The following NPHP1 variants were observed in gnomAD, a reference collection of about 807,000 sequenced individuals.
NPHP1 encodes the protein nephrocystin 1, also known as nephrocystin-1.
In NPHP1, 70 loss-of-function variants were observed where a neutral mutation model predicts 90.4. The ratio of observed to expected loss-of-function variants is 0.77; its 90% confidence interval spans 0.64 to 0.95. NPHP1 has a LOEUF of 0.95. Among genes scored for constraint, NPHP1 ranks in the 40% least tolerant of loss-of-function variants. The pLI, the probability that NPHP1 is intolerant of heterozygous loss-of-function variation, is 0.00. For missense variants in NPHP1, 764 were observed against 795.9 expected, an observed-to-expected ratio of 0.96 and a Z score of 0.48; for synonymous variants, 256 against 271.7, an observed-to-expected ratio of 0.94 and a Z score of 0.57.
chr2:110,150,070 C>A, intron 12 of NPHP1, 112 bp downstream of exon 12: 1 of 911,942 alleles, frequency 1.1e-6, no homozygotes. Flanking sequence ...CAAAGAACAC[C>A]AAAGAATCTA....
chr2:110,132,965 AAGAAAATC>A (rs1679899696), intron 16 of NPHP1, among the ~76,000 whole-genome samples: 1 of 152,122 alleles, frequency 6.6e-6, no homozygotes, highest in African/African-American at 2.4e-5. Context: ...ATCAAACACA[AAGAAAATC>A]AGTGAGGGAG....
chr2:110,124,405 A>C (rs1440571125), intron 19 of NPHP1: 1 of 357,298 alleles, frequency 2.8e-6, no homozygotes, highest in Non-Finnish European at 5.3e-6. Flanking sequence ...AAATATAACT[A>C]AAACAATGCC....
chr2:110,174,891 C>G (rs970740911), intron 4 of NPHP1, among the ~76,000 whole-genome samples: 1 of 151,520 alleles, frequency 6.6e-6, no homozygotes, highest in Non-Finnish European at 1.5e-5. Flanking sequence ...TGTGGTATTC[C>G]TAAGCACAAG....
At chr2:110,159,167 T>C (rs1682124442) in intron 11 of NPHP1, among the ~76,000 whole-genome samples, 2 of 152,032 alleles carry the variant, frequency 1.3e-5, no homozygotes, top group African/African-American at 4.8e-5. Flanking sequence ...TATATATTGC[T>C]AGATTCAATT....
Position 110,126,491 on chromosome 2 carries a change from T to G in NPHP1, c.1717-810A>C, listed in dbSNP as rs1249641162. On this transcript the variant is annotated intron_variant, in intron 18 of 19. Transcript: ENST00000445609. ...TTTCTCAGCAGGAGATAACAGACTATGCCACTCATGAGAACATTTTGGAAT... is the reference window on the plus strand; with the variant it reads ...TTTCTCAGCAGGAGATAACAGACTAGGCCACTCATGAGAACATTTTGGAAT... 6 of 152,396 alleles carry G rather than the reference T, an allele frequency of 3.9e-5. 1 individual carries two copies. Among genetic ancestry groups the G allele is most frequent in the African/African-American group, 1.4e-4 (6 of 41,448 alleles). 9.4% of individuals were successfully genotyped at this position (152,396 alleles called of 1,614,324 possible).
intron 8 of NPHP1, chr2:110,164,478 C>A (rs778995566): frequency 1.1e-5 from 10 of 943,754 alleles, no homozygotes; most frequent in Non-Finnish European, 1.7e-5. Context: ...ATTATCTATT[C>A]TTTTTGTACA....
chr2:110,125,373 C>A, intron 19 of NPHP1: 1 of 1,490,378 alleles, frequency 6.7e-7, no homozygotes, highest in Non-Finnish European at 8.9e-7. Context: ...AACTGAGAGA[C>A]TTTGGCTTAG....
Position 110,123,705 on chromosome 2 carries a change from T to G in NPHP1, c.*86A>C. On this transcript the variant is annotated 3_prime_UTR_variant, in exon 20 of 20. Coordinates refer to ENST00000445609, the MANE Select transcript of NPHP1 (RefSeq NM_001128178.3). ...TAAAACCTAAGTTGTAAAGTGACAG[T>G]GATTTTTGGTTCCATCATTTTATTC... The G allele has an allele frequency of 7.3e-7, 1 of 1,369,476 alleles. No individual in the cohort carries two copies. Among genetic ancestry groups the G allele is most frequent in the Non-Finnish European group, 1.0e-6 (1 of 962,162 alleles). The allele number at this position is 1,369,476 out of a possible 1,614,324, so 84.8% of individuals were successfully genotyped here. A position where few individuals can be genotyped will look rare whatever the true frequency, so the allele number is the denominator to read the frequency against.
chr2:110,127,627 T>C (rs1183030590), intron 18 of NPHP1: 2 of 151,994 alleles, frequency 1.3e-5, no homozygotes, highest in Non-Finnish European at 2.9e-5. Flanking sequence ...GTGCACAACT[T>C]TACCCTCATG....
At chr2:110,137,159 A>G (rs1361479661) in intron 16 of NPHP1, among the ~76,000 whole-genome samples, 1 of 152,146 alleles carries the variant, frequency 6.6e-6, no homozygotes, top group Non-Finnish European at 1.5e-5. Context: ...CTTACACCTT[A>G]TACAAAAATT....
intron 2 of NPHP1, among the ~76,000 whole-genome samples, chr2:110,194,906 C>T (rs1393092219): frequency 7.4e-6 from 1 of 135,880 alleles, no homozygotes; most frequent in Non-Finnish European, 1.7e-5. Context: ...ACGACAAAAA[C>T]CACATGATTA....
intron 2 of NPHP1, among the ~76,000 whole-genome samples, chr2:110,198,890 T>A (rs1685362474): frequency 6.6e-6 from 1 of 152,010 alleles, no homozygotes; most frequent in Middle Eastern, 3.4e-3. Flanking sequence ...AAGCCAGACC[T>A]AATAAAGAAA....
At chr2:110,183,348 C>A (rs1684043533) in intron 2 of NPHP1, among the ~76,000 whole-genome samples, 1 of 152,176 alleles carries the variant, frequency 6.6e-6, no homozygotes, top group Admixed American at 6.5e-5. Context: ...GCGATCTGTG[C>A]CTTAAGGACA....
intron 16 of NPHP1, among the ~76,000 whole-genome samples, chr2:110,136,884 G>C (rs949365919): frequency 6.6e-6 from 1 of 152,068 alleles, no homozygotes; most frequent in Non-Finnish European, 1.5e-5. Flanking sequence ...TAAGCCAAAA[G>C]AACAAAGCTG....
chr2:110,202,195 T>C (rs2104717609), intron 1 of NPHP1, among the ~76,000 whole-genome samples: 1 of 152,318 alleles, frequency 6.6e-6, no homozygotes, highest in East Asian at 1.9e-4. Context: ...GTTTGTTTAC[T>C]AACACTATAT....
chr2:110,166,975 A>G (rs1308984580), intron 6 of NPHP1, among the ~76,000 whole-genome samples: 1 of 152,156 alleles, frequency 6.6e-6, no homozygotes, highest in African/African-American at 2.4e-5. Context: ...TTGGATTTTG[A>G]ACTTAATGTT....
At chr2:110,199,250 T>C (rs1685397633) in intron 2 of NPHP1, among the ~76,000 whole-genome samples, 1 of 151,914 alleles carries the variant, frequency 6.6e-6, no homozygotes, top group South Asian at 2.1e-4. Flanking sequence ...CTGGCCAACA[T>C]GGTGAAACTC....
At chr2:110,148,057 TA>T in intron 12 of NPHP1, 31 bp from the exon 13 acceptor site, 1 of 1,391,992 alleles carries the variant, frequency 7.2e-7, no homozygotes, top group Non-Finnish European at 1.0e-6. Flanking sequence ...AAGTTATTGA[TA>T]AAAATAAAAA....
intron 8 of NPHP1, 39 bp from the exon 9 acceptor site, chr2:110,163,174 A>G: frequency 7.3e-7 from 1 of 1,368,330 alleles, no homozygotes; most frequent in Non-Finnish European, 1.0e-6. Flanking sequence ...GTTTTCAGTC[A>G]TGTTTCTGCA....
Sources: gnomAD v4.1 joint callset for allele counts (sites outside exome capture counted in the v4.1 genomes callset) on GRCh38, gnomAD v4.1.1 for gene constraint, MANE v1.5 for transcripts, NCBI Gene and HGNC (gene_info 2026-07-23, HGNC 2026-07-21) for gene names.